KCNIP4: variants seen among roughly 807,000 people sequenced by gnomAD.
The protein encoded by KCNIP4 is Kv channel-interacting protein 4.
Under a neutral mutation model 34.0 loss-of-function variants are expected in KCNIP4, and 12 were observed. That is an observed-to-expected ratio of 0.35 (90% confidence interval 0.23 to 0.57). The LOEUF is 0.57. KCNIP4 is among the 20% of genes least tolerant of loss of function. KCNIP4 has a pLI of 0.83. For synonymous variants in KCNIP4, 124 were observed against 102.2 expected (o/e 1.21, Z -1.29); for missense variants, 238 against 311.7 (o/e 0.76, Z 1.78).
intron 1 of KCNIP4, among the ~76,000 whole-genome samples, chr4:20,971,784 ACTC>A (rs1440515539): frequency 2.0e-5 from 3 of 151,996 alleles, no homozygotes; most frequent in Non-Finnish European, 1.5e-5. Context: ...CATTGATTGA[ACTC>A]TTCCTTTCAC....
chr4:21,075,181 C>T (rs967306619), intron 1 of KCNIP4, among the ~76,000 whole-genome samples: 1 of 152,158 alleles, frequency 6.6e-6, no homozygotes, highest in African/African-American at 2.4e-5. Context: ...GAGTTCAGTT[C>T]CTGGATATCT....
At chr4:21,502,337 C>G (rs1733436401) in intron 1 of KCNIP4, among the ~76,000 whole-genome samples, 1 of 152,032 alleles carries the variant, frequency 6.6e-6, no homozygotes. Context: ...TGGAAGGAGT[C>G]TGCTTTTTAT....
chr4:21,754,096 G>A (rs1305323881), intron 1 of KCNIP4, among the ~76,000 whole-genome samples: 6 of 152,152 alleles, frequency 3.9e-5, no homozygotes, highest in East Asian at 1.9e-4. Context: ...GTAAGGGCTC[G>A]CATCTCTCCA....
chr4:21,569,762 G>A (rs1210499198), intron 1 of KCNIP4, among the ~76,000 whole-genome samples: 1 of 151,992 alleles, frequency 6.6e-6, no homozygotes, highest in Non-Finnish European at 1.5e-5. Flanking sequence ...AACAGCTTTA[G>A]GAAGTTGCTA....
chr4:21,694,928 A>G (rs10015895), intron 1 of KCNIP4, among the ~76,000 whole-genome samples: 1 of 122,896 alleles, frequency 8.1e-6, no homozygotes, highest in Non-Finnish European at 1.8e-5. Flanking sequence ...AAAAAAAAAA[A>G]AATAAAAATA....
At chr4:21,749,265 C>G (rs533811218) in intron 1 of KCNIP4, among the ~76,000 whole-genome samples, 1 of 152,104 alleles carries the variant, frequency 6.6e-6, no homozygotes, top group Non-Finnish European at 1.5e-5. Flanking sequence ...AAAATTGATG[C>G]CAAACCTAAG....
chr4:21,429,379 T>C (rs541264973), intron 1 of KCNIP4, among the ~76,000 whole-genome samples: 2 of 152,320 alleles, frequency 1.3e-5, no homozygotes, highest in African/African-American at 4.8e-5. Flanking sequence ...AGTTTATCCA[T>C]TCACTACTGA....
chr4:21,500,149 A>C (rs1342370796), intron 1 of KCNIP4, among the ~76,000 whole-genome samples: 1 of 152,200 alleles, frequency 6.6e-6, no homozygotes, highest in Non-Finnish European at 1.5e-5. Context: ...AATAGCAAAT[A>C]AAATCAACTA....
In KCNIP4 at chr4:21,371,623, C is replaced by T. The variant is rs561632341; in HGVS notation, c.62-488914G>A. Among the ~76,000 whole-genome samples the T allele has an allele frequency of 3.4e-5, 5 of 147,036 alleles. No homozygotes were observed. The South Asian group carries it at 1.1e-3, about 31-fold the overall frequency. On this transcript the variant is annotated intron_variant, in intron 1 of 8. Coordinates refer to ENST00000382152, the MANE Select transcript of KCNIP4 (RefSeq NM_025221.6). ...TAAAATATTACCTGTATGCCTGACA[C>T]ACATTGTTCTCACTAAATGTTAGTT...
intron 1 of KCNIP4, among the ~76,000 whole-genome samples, chr4:20,938,199 G>GTTTTTTTTTTTTTT: frequency 7.0e-6 from 1 of 142,648 alleles, no homozygotes; most frequent in Non-Finnish European, 1.5e-5. Flanking sequence ...AATTTTGCTA[G>GTTTTTTTTTTTTTT]TTTTTTTTTT....
At chr4:20,774,389 C>G (rs1188590673) in intron 3 of KCNIP4, among the ~76,000 whole-genome samples, 1 of 152,158 alleles carries the variant, frequency 6.6e-6, no homozygotes, top group Non-Finnish European at 1.5e-5. Flanking sequence ...ATGAGCCACT[C>G]ATATCACTTA....
chr4:21,024,684 T>G (rs73245218), intron 1 of KCNIP4, among the ~76,000 whole-genome samples: 1 of 152,314 alleles, frequency 6.6e-6, no homozygotes, highest in Non-Finnish European at 1.5e-5. Context: ...GTGTAGAAAG[T>G]TTTCTTTAAT....
At chr4:21,043,283 A>T (rs1742117876) in intron 1 of KCNIP4, among the ~76,000 whole-genome samples, 1 of 152,122 alleles carries the variant, frequency 6.6e-6, no homozygotes, top group Non-Finnish European at 1.5e-5. Context: ...GGATCATGAC[A>T]CTGATTTATG....
chr4:21,685,638 G>A (rs1042800444), intron 1 of KCNIP4, among the ~76,000 whole-genome samples: 14 of 152,106 alleles, frequency 9.2e-5, no homozygotes, highest in African/African-American at 3.4e-4. Flanking sequence ...TGTCTCTTCC[G>A]AAAATAAAGA....
At chr4:21,086,701 C>T (rs770684915) in intron 1 of KCNIP4, among the ~76,000 whole-genome samples, 2 of 152,142 alleles carry the variant, frequency 1.3e-5, no homozygotes, top group Non-Finnish European at 2.9e-5. Context: ...AAGAAAAATT[C>T]TTCTATCTAT....
At chr4:21,232,590 T>C (rs1046271067) in intron 1 of KCNIP4, among the ~76,000 whole-genome samples, 2 of 152,166 alleles carry the variant, frequency 1.3e-5, no homozygotes, top group African/African-American at 2.4e-5. Flanking sequence ...GAATTTACTA[T>C]GTATTAGAAC....
chr4:21,877,711 G>A (rs948231490), intron 1 of KCNIP4, among the ~76,000 whole-genome samples: 4 of 152,278 alleles, frequency 2.6e-5, no homozygotes, highest in Middle Eastern at 3.4e-3. Context: ...TTTTAGTACA[G>A]ATGACTAATC....
intron 1 of KCNIP4, among the ~76,000 whole-genome samples, chr4:21,578,318 G>C (rs1285935236): frequency 8.0e-6 from 1 of 124,536 alleles, no homozygotes; most frequent in Non-Finnish European, 1.6e-5. Context: ...GGGTGACAGA[G>C]CGAGACTCCG....
chr4:20,988,647 A>G (rs989617671), intron 1 of KCNIP4, among the ~76,000 whole-genome samples: 1 of 152,280 alleles, frequency 6.6e-6, no homozygotes, highest in Non-Finnish European at 1.5e-5. Flanking sequence ...AATACATAGA[A>G]TCACAATGTA....
Sources: gnomAD v4.1 joint callset for allele counts (sites outside exome capture counted in the v4.1 genomes callset) on GRCh38, gnomAD v4.1.1 for gene constraint, MANE v1.5 for transcripts, NCBI Gene and HGNC (gene_info 2026-07-23, HGNC 2026-07-21) for gene names.